The following PTPRB variants were observed in gnomAD, a reference collection of about 807,000 sequenced individuals.
PTPRB encodes the protein protein tyrosine phosphatase receptor type B.
In PTPRB, 97 loss-of-function variants were observed where a neutral mutation model predicts 238.1. The ratio of observed to expected loss-of-function variants is 0.41; its 90% CI spans 0.35 to 0.48. PTPRB has a LOEUF of 0.48. PTPRB is among the 20% of genes least tolerant of loss of function. The pLI is 0.30. For missense variants in PTPRB, 2,292 were observed against 2,681.9 expected (o/e 0.85, Z 3.21); for synonymous variants, 970 against 995.4 (o/e 0.97, Z 0.48).
intron 15 of PTPRB, 25 bp downstream of exon 15, chr12:70,566,410 C>T: frequency 6.2e-7 from 1 of 1,607,672 alleles, no homozygotes; most frequent in Non-Finnish European, 8.5e-7. Context: ...ATATGTGCTA[C>T]AAAACATTAT....
chr12:70,585,419 A>C (rs1486063997), intron 9 of PTPRB: 2 of 152,088 alleles, frequency 1.3e-5, no homozygotes, highest in Non-Finnish European at 2.9e-5. Context: ...CCCCACCCAA[A>C]TCTCATCTTG....
intron 31 of PTPRB, among the ~76,000 whole-genome samples, chr12:70,534,243 G>A (rs1873739521): frequency 1.3e-5 from 2 of 152,080 alleles, no homozygotes. Flanking sequence ...AAGAGGGAGA[G>A]AGAAGGCTGG....
At chr12:70,613,415 C>T (rs1354705997) in intron 3 of PTPRB, among the ~76,000 whole-genome samples, 1 of 152,042 alleles carries the variant, frequency 6.6e-6, no homozygotes, top group Non-Finnish European at 1.5e-5. Context: ...GCTCCCCATC[C>T]CGTGCCTATG....
At chr12:70,545,463 G>C (rs1875817271) in intron 21 of PTPRB, among the ~76,000 whole-genome samples, 1 of 152,278 alleles carries the variant, frequency 6.6e-6, no homozygotes. Context: ...ATAAATTGCT[G>C]AAGTTAAAAA....
rs562074777 is a variant in PTPRB at position 70,566,266 on chromosome 12, C to T, written c.3904+169G>A. On this transcript the variant is annotated intron_variant, in intron 15 of 33. Transcript: ENST00000334414. ...ACAGAGTGTGGTGGGCTGAGTCCTG[C>T]GTGGATAGGGCAACTGACATGGAAG... Among the ~76,000 whole-genome samples, 6 of 152,242 alleles carry T rather than the reference C, an allele frequency of 3.9e-5. No homozygotes were observed. The South Asian group carries it at 1.0e-3, about 26-fold the overall frequency.
intron 10 of PTPRB, among the ~76,000 whole-genome samples, chr12:70,578,087 T>C (rs2136409222): frequency 6.6e-6 from 1 of 152,258 alleles, no homozygotes; most frequent in Middle Eastern, 3.4e-3. Context: ...ATGATTCACA[T>C]GTTTAAGAAA....
intron 2 of PTPRB, among the ~76,000 whole-genome samples, chr12:70,626,268 C>T (rs1885170967): frequency 7.4e-6 from 1 of 134,508 alleles, no homozygotes; most frequent in Non-Finnish European, 1.6e-5. Context: ...ACAGGAGATA[C>T]TTTAGAAAAG....
At chr12:70,584,315 T>C (rs149823853) in intron 9 of PTPRB, among the ~76,000 whole-genome samples, 25 of 151,898 alleles carry the variant, frequency 1.6e-4, no homozygotes, top group African/African-American at 5.6e-4. Flanking sequence ...GATGACAGAG[T>C]GGGGAATGGA....
At chr12:70,601,227 T>G (rs1030693463) in intron 4 of PTPRB, among the ~76,000 whole-genome samples, 1 of 151,842 alleles carries the variant, frequency 6.6e-6, no homozygotes, top group African/African-American at 2.4e-5. Context: ...GGTCTCAAAC[T>G]CCTGAGCTCA....
chr12:70,622,816 T>A (rs1430972454), intron 2 of PTPRB, among the ~76,000 whole-genome samples, 170 bp from the exon 3 acceptor site: 1 of 152,194 alleles, frequency 6.6e-6, no homozygotes, highest in Non-Finnish European at 1.5e-5. Flanking sequence ...TGTTCATTTG[T>A]CCTGTCCAAT....
chr12:70,553,611 C>A (rs1356630408), intron 20 of PTPRB, among the ~76,000 whole-genome samples: 1 of 152,208 alleles, frequency 6.6e-6, no homozygotes, highest in African/African-American at 2.4e-5. Context: ...GTCCACCCAG[C>A]CTGCTGTGTG....
intron 3 of PTPRB, among the ~76,000 whole-genome samples, chr12:70,610,474 C>T (rs1408483737): frequency 1.3e-5 from 2 of 151,414 alleles, no homozygotes; most frequent in African/African-American, 2.4e-5. Flanking sequence ...TCTCCAGGAC[C>T]ACTTTTTCCC....
At chr12:70,525,029 G>A (rs927818608) in intron 32 of PTPRB, among the ~76,000 whole-genome samples, 6 of 151,788 alleles carry the variant, frequency 4.0e-5, no homozygotes, top group African/African-American at 1.5e-4. Context: ...GCCTACAACT[G>A]TGTCTAGTAC....
intron 16 of PTPRB, among the ~76,000 whole-genome samples, chr12:70,562,120 T>A (rs1273371502): frequency 6.6e-6 from 1 of 152,034 alleles, no homozygotes; most frequent in Admixed American, 6.6e-5. Flanking sequence ...AAAATAAAAA[T>A]TAAAAAGTTA....
rs1411896262 is a variant in PTPRB at position 70,518,878 on chromosome 12, A to C, written c.*2611T>G. The C allele has an allele frequency of 1.3e-5, 2 of 152,216 alleles. No homozygotes were observed. Among genetic ancestry groups the C allele is most frequent in the East Asian group, 3.8e-4 (2 of 5,198 alleles). The allele number at this position is 152,216 out of a possible 1,614,324, so 9.4% of individuals were successfully genotyped here. A position where few individuals can be genotyped will look rare whatever the true frequency, so the allele number is the denominator to read the frequency against. On this transcript the variant is annotated 3_prime_UTR_variant, in exon 34 of 34. Coordinates refer to ENST00000334414, the MANE Select transcript of PTPRB (RefSeq NM_001109754.4). Reference sequence around the variant, plus strand: ...TCTTGATGATTAAAGTGTACTGCACAGGTACACAGACAGGATGCCCACCAA... The same window carrying C: ...TCTTGATGATTAAAGTGTACTGCACCGGTACACAGACAGGATGCCCACCAA...
chr12:70,561,175 G>A (rs1438476919), intron 16 of PTPRB, among the ~76,000 whole-genome samples: 1 of 152,154 alleles, frequency 6.6e-6, no homozygotes, highest in African/African-American at 2.4e-5. Context: ...TGATAGGCAT[G>A]TAAAATGAAA....
intron 28 of PTPRB, among the ~76,000 whole-genome samples, chr12:70,537,621 C>T (rs1874373503): frequency 6.6e-6 from 1 of 151,886 alleles, no homozygotes; most frequent in Non-Finnish European, 1.5e-5. Flanking sequence ...AAATGGAGGC[C>T]CAAAAAGGTG....
In PTPRB at chr12:70,555,940, C is replaced by A; in HGVS notation, c.4923G>T (p.Val1641=). The change falls in exon 19 of 34, where the codon GTG becomes GTT. Residue 1641 remains valine, a synonymous_variant. Transcript: ENST00000334414. ...MMLVPHKRYL[V]SIKVQSAGMT... ...TGCCGGCCGACTGCACTTTGATGGA[C>A]ACCAGGTACCTCTTATGGGGCACTA... 6.2e-7 allele frequency: 1 copy of A among 1,613,914 alleles called. No individual in the cohort carries two copies. The highest frequency in any genetic ancestry group is 8.5e-7 in the Non-Finnish European group (1 of 1,179,890).
In PTPRB at chr12:70,635,939, A is replaced by T. The variant is rs779012013; in HGVS notation, c.183T>A (p.Leu61=). The part of the protein sequence containing the change: ...QWMWTEDEKL[L]HVKSALCLAI... ...CCAAGCACAGTGCAGATTTAACATG[A>T]AGGAGCTTTTCATCCTCAGTCCACA... The change falls in exon 2 of 34, where the codon CTT becomes CTA. Residue 61 remains leucine, a synonymous_variant. Transcript: ENST00000334414. The T allele has an allele frequency of 1.2e-6, 2 of 1,613,708 alleles. No individual in the cohort carries two copies. Among genetic ancestry groups the T allele is most frequent in the South Asian group, 2.2e-5 (2 of 91,008 alleles).
Sources: allele counts gnomAD v4.1 joint callset (sites outside exome capture counted in the v4.1 genomes callset), GRCh38; gene constraint gnomAD v4.1.1; transcripts MANE v1.5; gene names NCBI Gene and HGNC (gene_info 2026-07-23, HGNC 2026-07-21).